Variants in KMT2B observed in about 807,000 individuals in gnomAD.
KMT2B encodes the protein lysine methyltransferase 2B.
KMT2B carries 22 observed loss-of-function variants against 255.3 expected under a neutral mutation model. The observed-to-expected ratio is 0.09, with a 90% CI of 0.06 to 0.12. The LOEUF is 0.12. Among genes scored for constraint, KMT2B ranks in the 10% least tolerant of loss-of-function variants. The pLI is 1.00. For missense variants in KMT2B, 3,149 were observed against 3,737.0 expected (o/e 0.84, Z 4.10); for synonymous variants, 1,730 against 1,498.1 (o/e 1.15, Z -3.57).
In KMT2B at chr19:35,722,613, C is replaced by T. The variant is rs746928288; in HGVS notation, c.2617C>T (p.Arg873Cys). The T allele has an allele frequency of 8.1e-6, 13 of 1,611,876 alleles. No homozygotes were observed. The highest frequency in any genetic ancestry group is 1.3e-5 in the African/African-American group (1 of 74,924). ...VQGPRIKHVC[R>C]HAAVALGQAR... ...AGGTCCCCGCATCAAACATGTCTGCCGTCATGCTGCTGTGGCCCTGGGTCA... is the reference window on the plus strand; with the variant it reads ...AGGTCCCCGCATCAAACATGTCTGCTGTCATGCTGCTGTGGCCCTGGGTCA... The change falls in exon 5 of 37, where the codon CGT becomes TGT. Residue 873 changes from arginine to cysteine, a missense_variant. Arg to Cys is a radical substitution (Grantham distance 180). Around this residue, in one of 18 missense-constraint regions of KMT2B, gnomAD observed 132 missense variants for 174.7 expected, o/e 0.76. Transcript: ENST00000420124.
At position 35,727,359 on chromosome 19, in the gene KMT2B, G is replaced by A; in HGVS notation, c.4118-79G>A. 1.3e-6 allele frequency: 2 copies of A among 1,584,446 alleles called. No individual in the cohort carries two copies. The highest frequency in any genetic ancestry group is 1.7e-6 in the Non-Finnish European group (2 of 1,153,924). ...CCCCAAGAGGACTGGTGGGCTAAGG[G>A]TCCTTGCTGGCCTAGGGGCTGCTGG... is the stretch of plus-strand genomic sequence containing the variant. On this transcript the variant is annotated intron_variant, in intron 15 of 36. Coordinates refer to ENST00000420124, the MANE Select transcript of KMT2B (RefSeq NM_014727.3). The surrounding 1 kb of genome is among the most constrained non-coding windows in gnomAD (Gnocchi z 4.2).
chr19:35,721,620 C>G lies in KMT2B; in HGVS notation c.2273C>G (p.Pro758Arg). 1 of 1,613,034 alleles carries G rather than the reference C, an allele frequency of 6.2e-7. No homozygotes were observed. The highest frequency in any genetic ancestry group is 2.2e-5 in the East Asian group (1 of 44,866). The change falls in exon 3 of 37, where the codon CCA becomes CGA. Residue 758 changes from proline to arginine, a missense_variant. By Grantham distance (103) the Pro-to-Arg change is moderately radical (BLOSUM62 -2). This residue lies in a region of KMT2B where 1,188 missense variants were observed against 1,106.4 expected (regional missense o/e 1.07). Transcript: ENST00000420124. Reference protein sequence around the residue: ...LLPQALPPPQPQLQPPPSPQQ... With the variant: ...LLPQALPPPQRQLQPPPSPQQ... Reference sequence around the variant, plus strand: ...CCCCAGGCACTACCGCCACCACAGCCACAGCTGCAGCCACCGCCGTCACCA... The same window carrying G: ...CCCCAGGCACTACCGCCACCACAGCGACAGCTGCAGCCACCGCCGTCACCA...
intron 14 of KMT2B, among the ~76,000 whole-genome samples, chr19:35,726,774 A>C (rs146679002): frequency 5.3e-5 from 8 of 152,230 alleles, no homozygotes; most frequent in African/African-American, 1.9e-4. Flanking sequence ...ACCTGAGGTG[A>C]GGAGTTTGAG....
chr19:35,729,307 G>T lies in KMT2B; in HGVS notation c.4917+11G>T. 6.3e-7 allele frequency: 1 copy of T among 1,586,618 alleles called. No individual in the cohort carries two copies. Among genetic ancestry groups the T allele is most frequent in the Non-Finnish European group, 8.6e-7 (1 of 1,167,686 alleles). On this transcript the variant is annotated intron_variant, in intron 22 of 36. Transcript: ENST00000420124. The stretch of plus-strand genomic sequence containing the variant: ...CGAGGGAGGCAGATGGTGAGGGCGC[G>T]GGCGCAGAGAGGTGGACAGCTCTCT...
chr19:35,725,445 A>G lies in KMT2B; in HGVS notation c.3643-34A>G, dbSNP rs200877446. ...TCCCTTGGCCCTCTGGCCTCATGCTATGCCCATCATTCACTCCTTTACCCT... is the reference window on the plus strand; with the variant it reads ...TCCCTTGGCCCTCTGGCCTCATGCTGTGCCCATCATTCACTCCTTTACCCT... On this transcript the variant is annotated intron_variant, in intron 11 of 36. Coordinates refer to ENST00000420124, the MANE Select transcript of KMT2B (RefSeq NM_014727.3). This position sits in a 1 kb window ranked among gnomAD's most constrained non-coding sequence, Gnocchi z 4.1. The G allele has an allele frequency of 1.5e-4, 239 of 1,606,492 alleles. No individual in the cohort carries two copies. In the African/African-American group the frequency reaches 1.5e-3, roughly 10 times the overall value.
chr19:35,722,756 G>A, intron 5 of KMT2B, 38 bp downstream of exon 5: 2 of 1,549,762 alleles, frequency 1.3e-6, no homozygotes, highest in Non-Finnish European at 1.7e-6. Context: ...CAGGTTTGGG[G>A]ATGACCCCAC....
rs1313553140 is a variant in KMT2B at position 35,725,068 on chromosome 19, G to A, written c.3509G>A (p.Arg1170His). ...GKQKSPDGVH[R>H]VRVDFKEDCD... ...CAGAAGTCTCCCGATGGTGTGCACC[G>A]CGTCCGTGTGGATTTTAAGGTATGG... Residue 1170 changes from arginine to histidine, a missense_variant, in exon 10 of 37, where the codon CGC becomes CAC. Coordinates refer to ENST00000420124, the MANE Select transcript of KMT2B (RefSeq NM_014727.3). This position sits in a 1 kb window ranked among gnomAD's most constrained non-coding sequence, Gnocchi z 4.1. 1.2e-6 allele frequency: 2 copies of A among 1,613,058 alleles called. No individual in the cohort carries two copies. The highest frequency in any genetic ancestry group is 1.7e-6 in the Non-Finnish European group (2 of 1,179,220).
chr19:35,722,921 G>A, intron 5 of KMT2B, 74 bp from the exon 6 acceptor site: 2 of 1,458,260 alleles, frequency 1.4e-6, no homozygotes, highest in African/African-American at 2.8e-5. Context: ...GCCAGGTTGT[G>A]GGAAAGCAGG....
rs111560884 is a variant in KMT2B, at chr19:35,722,020, A to G, written c.2457+216A>G. 8.9e-5 allele frequency among the ~76,000 whole-genome samples: 8 copies of G among 90,374 alleles called. No individual in the cohort carries two copies. In the South Asian group the frequency reaches 1.1e-3, roughly 12 times the overall value. 59.3% of individuals were successfully genotyped at this position (90,374 alleles called of 152,430 possible). A position where few individuals can be genotyped will look rare whatever the true frequency, so the allele number is the denominator to read the frequency against. On this transcript the variant is annotated intron_variant, in intron 3 of 36. Transcript: ENST00000420124. Reference sequence around the variant, plus strand: ...CTATCTTCCTTTTTTTTTTTTTTTTATTTTTGAGACCGAGTCTCACTTTGT... The same window carrying G: ...CTATCTTCCTTTTTTTTTTTTTTTTGTTTTTGAGACCGAGTCTCACTTTGT...
At position 35,730,743 on chromosome 19, in the gene KMT2B, G is replaced by A. The variant is rs1385462113; in HGVS notation, c.5313G>A (p.Arg1771=). 6.2e-7 allele frequency: 1 copy of A among 1,613,926 alleles called. No homozygotes were observed. ...TGTACTGGAGCACAGTGGATGCTCG[G>A]AGGCGCTGCTGGTATCGGTGCCGAA... ...SRLYWSTVDA[R]RRCWYRCRIL... The change falls in exon 26 of 37, where the codon CGG becomes CGA. Residue 1771 remains arginine (R), a synonymous_variant. Transcript: ENST00000420124.
intron 13 of KMT2B, 134 bp from the exon 14 acceptor site, chr19:35,726,102 C>T: frequency 1.4e-6 from 1 of 704,284 alleles, no homozygotes; most frequent in South Asian, 1.7e-5. Context: ...CGTGTCTGTC[C>T]TGCGTGTTTT....
At position 35,725,704 on chromosome 19, in the gene KMT2B, C is replaced by G. The variant is rs754945600; in HGVS notation, c.3790-19C>G. 2 of 1,612,908 alleles carry G rather than the reference C, an allele frequency of 1.2e-6. No individual in the cohort carries two copies. Among genetic ancestry groups the G allele is most frequent in the Non-Finnish European group, 1.7e-6 (2 of 1,179,462 alleles). On this transcript the variant is annotated intron_variant, in intron 12 of 36. Transcript: ENST00000420124. This position sits in a 1 kb window ranked among gnomAD's most constrained non-coding sequence, Gnocchi z 4.1. ...CCTGTGCCAGCAGGTTTCGCCATCTCTGTCTCCACATCCAACAGCACCTCC... is the reference window on the plus strand; with the variant it reads ...CCTGTGCCAGCAGGTTTCGCCATCTGTGTCTCCACATCCAACAGCACCTCC...
intron 14 of KMT2B, 35 bp downstream of exon 14, chr19:35,726,388 C>A (rs1356330804): frequency 1.4e-6 from 2 of 1,420,990 alleles, no homozygotes; most frequent in Non-Finnish European, 2.0e-6. Context: ...ATGCTGGGGG[C>A]CACAGGGGAA....
Position 35,721,007 on chromosome 19 carries a change from C to T in KMT2B, c.1660C>T (p.Pro554Ser), listed in dbSNP as rs1284079488. ...ATTTATGGATGAAGACCCCCCCAAA[C>T]CCCCAAAGGTGGAGGTCTCACCTGT... ...RRFMDEDPPK[P>S]PKVEVSPVLR... is the part of the protein sequence containing the mutation. The change falls in exon 3 of 37, where the codon CCC (proline) becomes TCC (serine). Residue 554 changes from proline to serine, a missense_variant. This residue lies in a region of KMT2B where 1,188 missense variants were observed against 1,106.4 expected (regional missense o/e 1.07). Coordinates refer to ENST00000420124, the MANE Select transcript of KMT2B (RefSeq NM_014727.3). 1.2e-6 allele frequency: 2 copies of T among 1,609,294 alleles called. No individual in the cohort carries two copies. The highest frequency in any genetic ancestry group is 1.1e-5 in the South Asian group (1 of 90,212).
chr19:35,724,167 G>T (rs1235871771), intron 8 of KMT2B, among the ~76,000 whole-genome samples, 160 bp downstream of exon 8: 1 of 152,134 alleles, frequency 6.6e-6, no homozygotes, highest in Non-Finnish European at 1.5e-5. Flanking sequence ...TACAGAACTG[G>T]CCTATGAGGT....
At position 35,730,785 on chromosome 19, in the gene KMT2B, A is replaced by G. The variant is rs1339987522; in HGVS notation, c.5355A>G (p.Pro1785=). The G allele has an allele frequency of 8.7e-6, 14 of 1,613,766 alleles. No homozygotes were observed. The highest frequency in any genetic ancestry group is 1.3e-5 in the African/African-American group (1 of 75,064). Reference sequence around the variant, plus strand: ...GGTGCCGAATTCTGGAGTATCGGCCATGGGGGCCGAGGGAAGAGCCAGCTC... The same window carrying G: ...GGTGCCGAATTCTGGAGTATCGGCCGTGGGGGCCGAGGGAAGAGCCAGCTC... The part of the protein sequence containing the change: ...WYRCRILEYR[P]WGPREEPAHL... The change falls in exon 26 of 37, where the codon CCA becomes CCG. Residue 1785 remains proline, a synonymous_variant. Coordinates refer to ENST00000420124, the MANE Select transcript of KMT2B (RefSeq NM_014727.3).
In KMT2B at chr19:35,721,744, C is replaced by T; in HGVS notation, c.2397C>T (p.Ala799=). 1 of 1,609,928 alleles carries T rather than the reference C, an allele frequency of 6.2e-7. No homozygotes were observed. The highest frequency in any genetic ancestry group is 8.5e-7 in the Non-Finnish European group (1 of 1,178,136). ...AGATGTTCAGCCTCCTCAAGAGAGC[C>T]AAAGTGCAGCTATTCAAGATCGATC... The part of the protein sequence containing the change: ...EEKMFSLLKR[A]KVQLFKIDQQ... The change falls in exon 3 of 37, where the codon GCC becomes GCT. Residue 799 remains alanine (A), a synonymous_variant. Coordinates refer to ENST00000420124, the MANE Select transcript of KMT2B (RefSeq NM_014727.3).
rs368391128 is a variant in KMT2B at position 35,721,790 on chromosome 19, G to A, written c.2443G>A (p.Ala815Thr). ...CGATCAGCAGCAGCAGCAGAAGGTG[G>A]CAGCTTCCATGCCGGTGAGTGTGGT... ...KIDQQQQQKVAASMPLSPGGQ... is the reference protein window; with the variant it reads ...KIDQQQQQKVTASMPLSPGGQ... Residue 815 changes from alanine to threonine, a missense_variant, in exon 3 of 37, where the codon GCA (alanine) becomes ACA (threonine). By Grantham distance (58) the Ala-to-Thr change is moderately conservative (BLOSUM62 0). This residue lies in a region of KMT2B where 1,188 missense variants were observed against 1,106.4 expected (regional missense o/e 1.07). Transcript: ENST00000420124. The A allele has an allele frequency of 5.0e-6, 8 of 1,590,514 alleles. No individual in the cohort carries two copies. Among genetic ancestry groups the A allele is most frequent in the Non-Finnish European group, 6.9e-6 (8 of 1,166,712 alleles).
At position 35,734,072 on chromosome 19, in the gene KMT2B, T is replaced by C. The variant is rs17776911; in HGVS notation, c.7159+200T>C. ...AGACATGGAAATGACATTTCGCCTC[T>C]ACGTGGGATCCTTTTAAGGGTCTTT... is the stretch of plus-strand genomic sequence containing the variant. On this transcript the variant is annotated intron_variant, in intron 30 of 36. Coordinates refer to ENST00000420124, the MANE Select transcript of KMT2B (RefSeq NM_014727.3). Among the ~76,000 whole-genome samples, 23,164 of 152,114 alleles carry C rather than the reference T, an allele frequency of 0.15. 1,896 individuals carry two copies. The highest frequency in any genetic ancestry group is 0.27 in the South Asian group (1,322 of 4,822).
Sources: allele counts gnomAD v4.1 joint callset (sites outside exome capture counted in the v4.1 genomes callset), GRCh38; gene constraint gnomAD v4.1.1; regional missense constraint gnomAD v4.1.1; non-coding constraint Gnocchi (gnomAD v3.1); transcripts MANE v1.5; gene names NCBI Gene and HGNC (gene_info 2026-07-23, HGNC 2026-07-21).